Variants in PCDH15 observed in about 807,000 individuals in gnomAD.
The protein encoded by PCDH15 is protocadherin-15.
A neutral mutation model predicts 178.5 loss-of-function variants in PCDH15; 129 were observed. The ratio of observed to expected loss-of-function variants is 0.72; its 90% CI spans 0.63 to 0.84. The LOEUF is 0.84. Among genes scored for constraint, PCDH15 ranks in the 40% least tolerant of loss-of-function variants. The pLI is 0.00. For missense variants in PCDH15, 2,230 were observed against 2,099.9 expected, an observed-to-expected ratio of 1.06 and a Z score of -1.21; for synonymous variants, 800 against 732.0, an observed-to-expected ratio of 1.09 and a Z score of -1.50.
intron 5 of PCDH15, among the ~76,000 whole-genome samples, chr10:54,359,408 T>TA (rs199869707): frequency 0.031 from 4,747 of 152,118 alleles, 119 homozygotes; most frequent in Non-Finnish European, 0.049. Context: ...ATATGGGACA[T>TA]ATGAGAACTG....
intron 2 of PCDH15, among the ~76,000 whole-genome samples, chr10:55,488,427 GT>G (rs1313627493): frequency 6.6e-6 from 1 of 151,550 alleles, no homozygotes; most frequent in Admixed American, 6.6e-5. Context: ...TGCATAGCAA[GT>G]TAGGTAGTCA....
intron 2 of PCDH15, among the ~76,000 whole-genome samples, chr10:55,026,979 C>T (rs1387951327): frequency 6.6e-6 from 1 of 151,796 alleles, no homozygotes; most frequent in Non-Finnish European, 1.5e-5. Context: ...AAAAAACAGG[C>T]ACGGGCCAAA....
At chr10:54,258,932 G>T (rs2057113506) in intron 8 of PCDH15, among the ~76,000 whole-genome samples, 2 of 152,020 alleles carry the variant, frequency 1.3e-5, no homozygotes, top group South Asian at 4.1e-4. Context: ...TGATAAAAAT[G>T]AATGCATGCA....
At chr10:54,919,686 G>C (rs1837435070) in intron 2 of PCDH15, among the ~76,000 whole-genome samples, 2 of 152,060 alleles carry the variant, frequency 1.3e-5, no homozygotes, top group African/African-American at 4.8e-5. Context: ...CCATAACTTT[G>C]ACTTTAGACT....
At chr10:55,183,257 GT>G (rs1171150908) in intron 1 of PCDH15, among the ~76,000 whole-genome samples, 21 of 151,874 alleles carry the variant, frequency 1.4e-4, no homozygotes, top group African/African-American at 4.8e-4. Flanking sequence ...ATTGTCAAGT[GT>G]TTTAAGGGAT....
chr10:54,551,099 G>A (rs1438164777), intron 2 of PCDH15, among the ~76,000 whole-genome samples: 1 of 136,902 alleles, frequency 7.3e-6, no homozygotes, highest in Non-Finnish European at 1.5e-5. Context: ...AGGTTGCAGT[G>A]AGCTGAGATC....
rs531198067 is a variant in PCDH15, at chr10:54,959,069, G to A, written c.-79-61569C>T. Among the ~76,000 whole-genome samples the A allele has an allele frequency of 2.0e-5, 3 of 151,862 alleles. No individual in the cohort carries two copies. The South Asian group carries it at 6.2e-4, about 32-fold the overall frequency. ...TTAAAATAACTATAAGTGAGTATGA[G>A]TCACTGGGTAAATGAAAATCCAGGA... is the stretch of plus-strand genomic sequence containing the variant. On this transcript the variant is annotated intron_variant, in intron 2 of 5. Coordinates refer to the PCDH15 transcript ENST00000458638.
chr10:53,831,856 AAATAT>A (rs1316672702), intron 29 of PCDH15, among the ~76,000 whole-genome samples: 20 of 152,148 alleles, frequency 1.3e-4, no homozygotes, highest in Admixed American at 1.3e-3. Context: ...AGATGGAATA[AAATAT>A]AATATCCTAA....
In PCDH15 at chr10:54,801,076, G is replaced by A. The variant is rs375866561; in HGVS notation, c.-180C>T. The A allele has an allele frequency of 4.5e-4, 69 of 152,230 alleles. No homozygotes were observed. The highest frequency in any genetic ancestry group is 1.6e-3 in the African/African-American group (65 of 41,534). 9.4% of individuals were successfully genotyped at this position (152,230 alleles called of 1,614,324 possible). On this transcript the variant is annotated 5_prime_UTR_variant, in exon 1 of 38. Coordinates refer to ENST00000644397, the MANE Select transcript of PCDH15 (RefSeq NM_001384140.1). ...CACATGTTCCACCTCTTGTTTCTGT[G>A]AGGCATTGATATCCACTCTCATATC...
intron 2 of PCDH15, among the ~76,000 whole-genome samples, chr10:54,946,600 A>T (rs1206429725): frequency 1.3e-5 from 2 of 151,862 alleles, no homozygotes; most frequent in Non-Finnish European, 2.9e-5. Context: ...CGCCCCTGAC[A>T]ATTTCAAATA....
intron 1 of PCDH15, among the ~76,000 whole-genome samples, chr10:54,700,241 G>C (rs2095291145): frequency 6.6e-6 from 1 of 152,102 alleles, no homozygotes; most frequent in East Asian, 1.9e-4. Context: ...TTCCAAGATT[G>C]AAGGAACATC....
At chr10:54,514,501 C>T (rs1455911893) in intron 3 of PCDH15, among the ~76,000 whole-genome samples, 1 of 150,920 alleles carries the variant, frequency 6.6e-6, no homozygotes, top group Admixed American at 6.6e-5. Flanking sequence ...ATTTACCTCT[C>T]CTGAAAAAAA....
intron 2 of PCDH15, among the ~76,000 whole-genome samples, chr10:55,459,241 A>AAAAAAAAAAAAAAAAAAAG (rs10647110): frequency 7.4e-6 from 1 of 134,240 alleles, no homozygotes; most frequent in Non-Finnish European, 1.5e-5. Flanking sequence ...GCAAAAAAAA[A>AAAAAAAAAAAAAAAAAAAG]AAAGAAGGAA....
chr10:54,948,293 T>C (rs1038241844), intron 2 of PCDH15, among the ~76,000 whole-genome samples: 18 of 151,978 alleles, frequency 1.2e-4, no homozygotes, highest in Admixed American at 1.1e-3. Context: ...AAGAGACTGA[T>C]GCCCTACTCA....
At chr10:53,866,919 T>C in intron 26 of PCDH15, 62 bp from the exon 27 acceptor site, 4 of 1,184,472 alleles carry the variant, frequency 3.4e-6, no homozygotes, top group Non-Finnish European at 5.0e-6. Context: ...CCTTATGAAA[T>C]GGCTTACTTT....
intron 21 of PCDH15, among the ~76,000 whole-genome samples, chr10:53,973,214 T>C (rs2089897937): frequency 6.7e-6 from 1 of 148,436 alleles, no homozygotes; most frequent in Non-Finnish European, 1.5e-5. Flanking sequence ...CACCACATGT[T>C]TTCACTCATA....
chr10:54,632,557 A>C (rs2093731901), intron 2 of PCDH15, among the ~76,000 whole-genome samples: 1 of 152,170 alleles, frequency 6.6e-6, no homozygotes, highest in Non-Finnish European at 1.5e-5. Flanking sequence ...CATTTCAGCA[A>C]ATTTAAATTT....
At chr10:55,429,340 T>A (rs1380047281) in intron 2 of PCDH15, among the ~76,000 whole-genome samples, 1 of 152,144 alleles carries the variant, frequency 6.6e-6, no homozygotes, top group Non-Finnish European at 1.5e-5. Flanking sequence ...ATATTTTTGC[T>A]AATGATAGGA....
intron 2 of PCDH15, among the ~76,000 whole-genome samples, chr10:55,049,914 C>A (rs930130370): frequency 5.3e-5 from 8 of 151,976 alleles, no homozygotes; most frequent in Non-Finnish European, 1.0e-4. Context: ...TGCACTGAAA[C>A]AGAGTTTTAA....
Sources: allele counts gnomAD v4.1 joint callset (sites outside exome capture counted in the v4.1 genomes callset), GRCh38; gene constraint gnomAD v4.1.1; transcripts MANE v1.5; gene names NCBI Gene and HGNC (gene_info 2026-07-23, HGNC 2026-07-21).